The following IMMP2L variants were observed in gnomAD, a reference collection of about 807,000 sequenced individuals.
IMMP2L encodes the protein inner mitochondrial membrane peptidase subunit 2.
IMMP2L carries 18 observed loss-of-function variants against 19.3 expected under a neutral mutation model. The ratio of observed to expected loss-of-function variants is 0.93; its 90% CI spans 0.64 to 1.38. The LOEUF (loss-of-function observed/expected upper bound fraction) is 1.38, where lower values mean the gene tolerates loss of function less well. Among genes scored for constraint, IMMP2L ranks in the 40% most tolerant of loss-of-function variants. IMMP2L has a pLI of 0.00. For synonymous variants in IMMP2L, 76 were observed against 73.0 expected, an observed-to-expected ratio of 1.04 and a Z score of -0.21; for missense variants, 233 against 218.2, an observed-to-expected ratio of 1.07 and a Z score of -0.43.
intron 5 of IMMP2L, among the ~76,000 whole-genome samples, chr7:110,716,335 A>G (rs2130738555): frequency 6.6e-6 from 1 of 152,138 alleles, no homozygotes; most frequent in Non-Finnish European, 1.5e-5. Context: ...TTGATCCTAT[A>G]ATGAAGTTTG....
chr7:110,784,525 A>G (rs1190147133), intron 5 of IMMP2L, among the ~76,000 whole-genome samples: 7 of 151,960 alleles, frequency 4.6e-5, no homozygotes, highest in African/African-American at 1.7e-4. Flanking sequence ...TACATCTATC[A>G]TATTTCCCTC....
In IMMP2L at chr7:111,447,351, C is replaced by T. The variant is rs745929476; in HGVS notation, c.239+39887G>A. ...AAAGGGAAGCCCATCAGACTAACAG[C>T]GGATCTCTCGACAGAAACCCTACAA... On this transcript the variant is annotated intron_variant, in intron 3 of 5. Transcript: ENST00000405709. Among the ~76,000 whole-genome samples the T allele has an allele frequency of 5.4e-3, 770 of 141,612 alleles. 5 individuals carry two copies. The highest frequency in any genetic ancestry group is 8.2e-3 in the Non-Finnish European group (534 of 65,284). The allele number at this position is 141,612 out of a possible 152,430, so 92.9% of individuals were successfully genotyped here.
chr7:111,417,581 G>A lies in IMMP2L; in HGVS notation c.239+69657C>T, dbSNP rs573548816. Among the ~76,000 whole-genome samples the A allele has an allele frequency of 4.6e-5, 7 of 151,900 alleles. No homozygotes were observed. In the South Asian group the frequency reaches 1.2e-3, roughly 27 times the overall value. ...CAGAGGTCTATGAAGACCCCTCAAT[G>A]TGTAACCTCTGTCACGAATGTGTCC... On this transcript the variant is annotated intron_variant, in intron 3 of 5. Coordinates refer to ENST00000405709, the MANE Select transcript of IMMP2L (RefSeq NM_032549.4).
intron 5 of IMMP2L, among the ~76,000 whole-genome samples, chr7:110,812,804 C>T (rs1238721429): frequency 6.6e-6 from 1 of 151,876 alleles, no homozygotes; most frequent in African/African-American, 2.4e-5. Flanking sequence ...ACACTCATTT[C>T]GTTTTTCATT....
intron 3 of IMMP2L, among the ~76,000 whole-genome samples, chr7:111,232,597 C>G (rs573529604): frequency 1.3e-5 from 2 of 151,846 alleles, no homozygotes; most frequent in South Asian, 4.2e-4. Flanking sequence ...ATTTTTGACC[C>G]CTGAAATCAA....
intron 3 of IMMP2L, among the ~76,000 whole-genome samples, chr7:111,175,069 G>A (rs1299888819): frequency 2.0e-5 from 3 of 151,846 alleles, no homozygotes; most frequent in African/African-American, 7.2e-5. Context: ...CAGAAATTAA[G>A]TGGAAAATCA....
At chr7:110,742,534 C>A (rs571454442) in intron 5 of IMMP2L, among the ~76,000 whole-genome samples, 1 of 151,964 alleles carries the variant, frequency 6.6e-6, no homozygotes, top group Non-Finnish European at 1.5e-5. Context: ...TTTGGGAAAC[C>A]AAGGCAAGCG....
rs951929472 is a variant in IMMP2L at position 110,791,624 on chromosome 7, C to T, written c.408+94969G>A. Among the ~76,000 whole-genome samples the T allele has an allele frequency of 1.2e-4, 18 of 151,712 alleles. 1 individual carries two copies. The highest frequency in any genetic ancestry group is 4.4e-4 in the African/African-American group (18 of 41,072). On this transcript the variant is annotated intron_variant, in intron 5 of 5. Transcript: ENST00000405709. ...ACTGTGTGATGGATAAATAAAAGAT[C>T]AAAATGCCAGCTTTATTACTAATAA...
At chr7:111,074,255 C>T (rs1795199059) in intron 3 of IMMP2L, among the ~76,000 whole-genome samples, 1 of 152,218 alleles carries the variant, frequency 6.6e-6, no homozygotes, top group African/African-American at 2.4e-5. Context: ...CACTTCCTGA[C>T]CTGACTGTCA....
intron 3 of IMMP2L, among the ~76,000 whole-genome samples, chr7:110,984,890 TGC>T (rs1165969363): frequency 6.6e-6 from 1 of 152,090 alleles, no homozygotes; most frequent in East Asian, 1.9e-4. Context: ...AAATTAAGTT[TGC>T]TAATCAATGG....
At chr7:111,332,333 T>C (rs1161206412) in intron 3 of IMMP2L, among the ~76,000 whole-genome samples, 1 of 151,830 alleles carries the variant, frequency 6.6e-6, no homozygotes, top group Non-Finnish European at 1.5e-5. Flanking sequence ...AAAATTAAAA[T>C]CAAAACATCA....
intron 5 of IMMP2L, among the ~76,000 whole-genome samples, chr7:110,780,591 T>G (rs1273424261): frequency 6.6e-6 from 1 of 151,786 alleles, no homozygotes; most frequent in Non-Finnish European, 1.5e-5. Context: ...TCTGCCTCGC[T>G]ATTACCCCTT....
intron 1 of IMMP2L, among the ~76,000 whole-genome samples, chr7:111,526,368 T>A (rs1490464940): frequency 1.3e-5 from 2 of 152,204 alleles, no homozygotes; most frequent in Non-Finnish European, 2.9e-5. Context: ...ATTATTAAAG[T>A]ATACCAAAAG....
At chr7:111,017,995 G>A (rs1418278242) in intron 3 of IMMP2L, among the ~76,000 whole-genome samples, 5 of 152,154 alleles carry the variant, frequency 3.3e-5, no homozygotes, top group African/African-American at 9.7e-5. Context: ...GAAAATGAAA[G>A]CAATGGATAT....
Position 110,803,670 on chromosome 7 carries a change from A to G in IMMP2L, c.408+82923T>C, listed in dbSNP as rs1323582430. Among the ~76,000 whole-genome samples, 2 of 152,036 alleles carry G rather than the reference A, an allele frequency of 1.3e-5. No homozygotes were observed. The highest frequency in any genetic ancestry group is 2.1e-4 in the South Asian group (1 of 4,826). On this transcript the variant is annotated intron_variant, in intron 5 of 5. Transcript: ENST00000405709. This position sits in a 1 kb window ranked among gnomAD's most constrained non-coding sequence, Gnocchi z 4.2. ...CCAGAAATGGGAGTGACCTTGGACC[A>G]GGCAGCTCCCTGTAGCCAAGGGCAA...
intron 3 of IMMP2L, among the ~76,000 whole-genome samples, chr7:111,364,889 G>T (rs1829619778): frequency 1.3e-5 from 2 of 151,090 alleles, no homozygotes; most frequent in Non-Finnish European, 2.9e-5. Flanking sequence ...AGAATCGCTT[G>T]AACCCAGGAG....
At chr7:110,668,901 A>G (rs1338957197) in intron 5 of IMMP2L, among the ~76,000 whole-genome samples, 1 of 152,032 alleles carries the variant, frequency 6.6e-6, no homozygotes, top group African/African-American at 2.4e-5. Flanking sequence ...AGTATAGTGA[A>G]TATAGAAAGA....
At chr7:110,772,608 C>G (rs1799110222) in intron 5 of IMMP2L, among the ~76,000 whole-genome samples, 1 of 152,138 alleles carries the variant, frequency 6.6e-6, no homozygotes, top group African/African-American at 2.4e-5. Flanking sequence ...TGATGCTTCT[C>G]TAACACCAGT....
chr7:111,264,969 C>T (rs1817683568), intron 3 of IMMP2L, among the ~76,000 whole-genome samples: 1 of 152,024 alleles, frequency 6.6e-6, no homozygotes, highest in Admixed American at 6.6e-5. Flanking sequence ...ATCTTTGTTA[C>T]CTGCATCTTG....
Sources: allele counts gnomAD v4.1 joint callset (sites outside exome capture counted in the v4.1 genomes callset), GRCh38; gene constraint gnomAD v4.1.1; non-coding constraint Gnocchi (gnomAD v3.1); transcripts MANE v1.5; gene names NCBI Gene and HGNC (gene_info 2026-07-23, HGNC 2026-07-21).